The following EPHA3 variants were observed in gnomAD, a reference collection of about 807,000 sequenced individuals.
EPHA3 encodes EPH receptor A3, also known as ephrin type-A receptor 3.
In EPHA3, 42 loss-of-function variants were observed where a neutral mutation model predicts 107.1. The ratio of observed to expected loss-of-function variants is 0.39; its 90% confidence interval spans 0.31 to 0.51. The LOEUF (loss-of-function observed/expected upper bound fraction) is 0.51, where lower values mean the gene tolerates loss of function less well. Ranked by LOEUF, EPHA3 falls within the 20% of genes least tolerant of loss-of-function variation. The pLI is 0.78. For synonymous variants in EPHA3, 461 were observed against 424.8 expected, an observed-to-expected ratio of 1.09 and a Z score of -1.05; for missense variants, 1,183 against 1,211.2, an observed-to-expected ratio of 0.98 and a Z score of 0.35.
At chr3:89,237,605 T>G (rs1232711324) in intron 3 of EPHA3, among the ~76,000 whole-genome samples, 1 of 152,174 alleles carries the variant, frequency 6.6e-6, no homozygotes, top group African/African-American at 2.4e-5. Flanking sequence ...GTACTGTTGA[T>G]ATCCAAGAAT....
intron 5 of EPHA3, among the ~76,000 whole-genome samples, chr3:89,356,341 A>G (rs1032954052): frequency 6.6e-6 from 1 of 150,970 alleles, no homozygotes; most frequent in Non-Finnish European, 1.5e-5. Context: ...TCCTTTGGGT[A>G]TATACCCAGT....
intron 16 of EPHA3, among the ~76,000 whole-genome samples, chr3:89,473,267 G>C (rs955154670): frequency 6.6e-6 from 1 of 152,142 alleles, no homozygotes; most frequent in African/African-American, 2.4e-5. Flanking sequence ...TTAATTGATA[G>C]CTTTATGTGT....
intron 2 of EPHA3, among the ~76,000 whole-genome samples, chr3:89,191,042 CA>C (rs1472580567): frequency 2.6e-5 from 4 of 152,048 alleles, no homozygotes; most frequent in African/African-American, 9.7e-5. Flanking sequence ...TTACCCATTT[CA>C]TTTTATTCTT....
intron 3 of EPHA3, among the ~76,000 whole-genome samples, chr3:89,299,111 G>A (rs1291772191): frequency 1.3e-5 from 2 of 152,028 alleles, no homozygotes; most frequent in African/African-American, 4.8e-5. Context: ...GAAACTTTAA[G>A]TTTGTCTTTT....
intron 11 of EPHA3, among the ~76,000 whole-genome samples, chr3:89,425,736 T>C (rs1423151228): frequency 2.0e-5 from 3 of 151,566 alleles, no homozygotes; most frequent in African/African-American, 7.3e-5. Flanking sequence ...TATGCGTATG[T>C]ATGTGTATAT....
chr3:89,435,240 T>C (rs948598015), intron 13 of EPHA3, among the ~76,000 whole-genome samples: 1 of 151,836 alleles, frequency 6.6e-6, no homozygotes, highest in African/African-American at 2.4e-5. Context: ...AAATTATAAC[T>C]GATGCATTAA....
At chr3:89,155,728 T>G (rs1193719426) in intron 2 of EPHA3, among the ~76,000 whole-genome samples, 1 of 152,074 alleles carries the variant, frequency 6.6e-6, no homozygotes, top group East Asian at 1.9e-4. Context: ...TAAAACCACT[T>G]CTCATATACC....
At chr3:89,346,792 G>C (rs1366521778) in intron 5 of EPHA3, among the ~76,000 whole-genome samples, 1 of 144,120 alleles carries the variant, frequency 6.9e-6, no homozygotes, top group Non-Finnish European at 1.6e-5. Context: ...ATTGATTTTT[G>C]TATAAGGTGT....
chr3:89,436,532 G>A (rs1488206583), intron 13 of EPHA3, among the ~76,000 whole-genome samples: 1 of 152,128 alleles, frequency 6.6e-6, no homozygotes, highest in Non-Finnish European at 1.5e-5. Flanking sequence ...AGTCATGAAG[G>A]ACATTTGAAT....
Position 89,210,471 on chromosome 3 carries a change from C to T in EPHA3, c.765C>T (p.Gly255=), listed in dbSNP as rs560906170. The T allele has an allele frequency of 6.3e-7, 1 of 1,588,228 alleles. No homozygotes were observed. Among genetic ancestry groups the T allele is most frequent in the Non-Finnish European group, 8.5e-7 (1 of 1,170,678 alleles). ...STEGEWLVPI[G]KCSCNAGYEE... ...AAGGCGAATGGCTTGTACCCATTGG[C>T]AAGTGTTCCTGCAATGCTGGCTATG... Residue 255 remains glycine, a synonymous_variant, in exon 3 of 17, where the codon GGC becomes GGT. Coordinates refer to ENST00000336596, the MANE Select transcript of EPHA3 (RefSeq NM_005233.6).
chr3:89,324,880 T>C (rs1707130957), intron 3 of EPHA3, among the ~76,000 whole-genome samples: 1 of 152,144 alleles, frequency 6.6e-6, no homozygotes, highest in South Asian at 2.1e-4. Context: ...TGGTCCCCAA[T>C]GTCTATTGTA....
intron 7 of EPHA3, among the ~76,000 whole-genome samples, chr3:89,400,915 T>C (rs867488515): frequency 6.6e-6 from 1 of 152,304 alleles, no homozygotes; most frequent in Middle Eastern, 3.4e-3. Flanking sequence ...AGAAATAGAT[T>C]ACCCAGGAAA....
At chr3:89,213,805 G>T (rs942417467) in intron 3 of EPHA3, among the ~76,000 whole-genome samples, 4 of 151,796 alleles carry the variant, frequency 2.6e-5, no homozygotes, top group Non-Finnish European at 5.9e-5. Flanking sequence ...GGCTCACCTC[G>T]TAAAGACTAC....
intron 1 of EPHA3, among the ~76,000 whole-genome samples, chr3:89,119,089 T>G (rs1265678525): frequency 6.6e-6 from 1 of 152,056 alleles, no homozygotes; most frequent in East Asian, 1.9e-4. Context: ...CATGTAACTT[T>G]AAAAATAATT....
At chr3:89,339,897 C>T (rs1308586587) in intron 3 of EPHA3, among the ~76,000 whole-genome samples, 2 of 152,162 alleles carry the variant, frequency 1.3e-5, no homozygotes, top group Non-Finnish European at 2.9e-5. Flanking sequence ...AAATTATTGA[C>T]TTCCAAGGAT....
chr3:89,130,197 T>C (rs780903113), intron 2 of EPHA3, among the ~76,000 whole-genome samples: 1 of 152,088 alleles, frequency 6.6e-6, no homozygotes, highest in Non-Finnish European at 1.5e-5. Flanking sequence ...CCAATGAACA[T>C]GGCAGCCCCT....
chr3:89,161,137 T>C (rs1252664179), intron 2 of EPHA3, among the ~76,000 whole-genome samples: 1 of 152,108 alleles, frequency 6.6e-6, no homozygotes, highest in Non-Finnish European at 1.5e-5. Context: ...AGACAAACAT[T>C]ACTGTACTGT....
At chr3:89,327,738 T>G (rs113954095) in intron 3 of EPHA3, among the ~76,000 whole-genome samples, 158 of 152,268 alleles carry the variant, frequency 1.0e-3, no homozygotes, top group African/African-American at 2.0e-3. Flanking sequence ...TGTGCTTTTT[T>G]TTTGTTTGTT....
chr3:89,384,450 C>A (rs1708574135), intron 5 of EPHA3, among the ~76,000 whole-genome samples: 1 of 152,110 alleles, frequency 6.6e-6, no homozygotes, highest in South Asian at 2.1e-4. Flanking sequence ...TTGTTTTTCG[C>A]TCTCTGGGAA....
Sources: allele counts gnomAD v4.1 joint callset (sites outside exome capture counted in the v4.1 genomes callset), GRCh38; gene constraint gnomAD v4.1.1; transcripts MANE v1.5; gene names NCBI Gene and HGNC (gene_info 2026-07-23, HGNC 2026-07-21).